The following R3HDM1 variants were observed in gnomAD, a reference collection of about 807,000 sequenced individuals.
R3HDM1 encodes R3H domain containing 1.
In R3HDM1, 46 loss-of-function variants were observed where a neutral mutation model predicts 141.1. The ratio of observed to expected loss-of-function variants is 0.33; its 90% CI spans 0.26 to 0.42. The LOEUF is 0.42. Ranked by LOEUF, R3HDM1 falls within the 10% of genes least tolerant of loss-of-function variation. The pLI, the probability that R3HDM1 is intolerant of heterozygous loss-of-function variation, is 1.00. For synonymous variants in R3HDM1, 435 were observed against 472.9 expected (o/e 0.92, Z 1.04); for missense variants, 1,184 against 1,368.3 (o/e 0.87, Z 2.12).
At chr2:135,621,957 A>AAG (rs2061549386) in intron 6 of R3HDM1, 2 of 983,300 alleles carry the variant, frequency 2.0e-6, no homozygotes, top group Non-Finnish European at 2.4e-6. Flanking sequence ...CTGATGTCAT[A>AAG]ATATTGAGTA....
At chr2:135,627,244 G>C (rs1038450132) in intron 7 of R3HDM1, among the ~76,000 whole-genome samples, 1 of 151,972 alleles carries the variant, frequency 6.6e-6, no homozygotes. Context: ...AAGCATTCAG[G>C]GTTGAATATT....
intron 18 of R3HDM1, among the ~76,000 whole-genome samples, chr2:135,657,368 G>A (rs1439261491): frequency 3.4e-5 from 5 of 147,154 alleles, no homozygotes; most frequent in African/African-American, 1.0e-4. Context: ...CTGAGATTGC[G>A]CCACTTCACT....
At position 135,699,028 on chromosome 2, in the gene R3HDM1, TAGATAGATAGATA is replaced by T. The variant is rs1559465664; in HGVS notation, c.2460-10404_2460-10392del. Among the ~76,000 whole-genome samples the T allele has an allele frequency of 3.3e-4, 39 of 118,542 alleles. No individual in the cohort carries two copies. In the East Asian group the frequency reaches 7.1e-3, roughly 21 times the overall value. The allele number at this position is 118,542 out of a possible 152,430, so 77.8% of individuals were successfully genotyped here. A position where few individuals can be genotyped will look rare whatever the true frequency, so the allele number is the denominator to read the frequency against. On this transcript the variant is annotated intron_variant, in intron 21 of 26. Transcript: ENST00000683871. ...ATAGATAGATAGATAGATAGATAGA[TAGATAGATAGATA>T]GATAAGATAGATAAGATAGATTGAT...
At chr2:135,535,959 T>G (rs1480256005) in intron 1 of R3HDM1, among the ~76,000 whole-genome samples, 1 of 152,214 alleles carries the variant, frequency 6.6e-6, no homozygotes, top group African/African-American at 2.4e-5. Context: ...TTACCCATTC[T>G]TAGTCTCCAT....
intron 26 of R3HDM1, 122 bp downstream of exon 26, chr2:135,722,675 A>C: frequency 1.1e-6 from 1 of 948,922 alleles, no homozygotes; most frequent in Non-Finnish European, 1.6e-6. Context: ...AATTTTTGCC[A>C]TCTCTGATTT....
chr2:135,650,882 T>C (rs1177026082), intron 17 of R3HDM1: 2 of 985,302 alleles, frequency 2.0e-6, no homozygotes, highest in Non-Finnish European at 2.4e-6. Flanking sequence ...TTTTTTTCAG[T>C]GTTGACCTTT....
chr2:135,607,885 T>C, intron 3 of R3HDM1: 1 of 982,940 alleles, frequency 1.0e-6, no homozygotes, highest in Non-Finnish European at 1.2e-6. Context: ...CAAACATGGG[T>C]ATGGTCTTTG....
At chr2:135,602,161 T>TA (rs1269727464) in intron 1 of R3HDM1, among the ~76,000 whole-genome samples, 2 of 152,292 alleles carry the variant, frequency 1.3e-5, no homozygotes, top group East Asian at 3.9e-4. Flanking sequence ...TTCTTGGAGT[T>TA]AAAGTGTTTC....
chr2:135,705,014 A>C (rs1332099528), intron 21 of R3HDM1, among the ~76,000 whole-genome samples: 1 of 152,190 alleles, frequency 6.6e-6, no homozygotes, highest in South Asian at 2.1e-4. Flanking sequence ...TAGTAGGTTA[A>C]AGGATGTGAC....
intron 7 of R3HDM1, among the ~76,000 whole-genome samples, chr2:135,623,881 A>G (rs1272559274): frequency 6.6e-6 from 1 of 152,254 alleles, no homozygotes; most frequent in African/African-American, 2.4e-5. Flanking sequence ...TGTAATAGCC[A>G]GAGAAGGGCC....
At chr2:135,658,335 T>G (rs1256198194) in intron 18 of R3HDM1, among the ~76,000 whole-genome samples, 1 of 152,042 alleles carries the variant, frequency 6.6e-6, no homozygotes, top group Non-Finnish European at 1.5e-5. Context: ...CCCGGCTAAT[T>G]TTTTGTATCT....
intron 1 of R3HDM1, among the ~76,000 whole-genome samples, chr2:135,544,701 C>A (rs1698321089): frequency 6.6e-6 from 1 of 152,208 alleles, no homozygotes; most frequent in Non-Finnish European, 1.5e-5. Flanking sequence ...TCACTCACGC[C>A]TGTAATCCCA....
chr2:135,675,451 G>A lies in R3HDM1; in HGVS notation c.2272G>A (p.Val758Met), dbSNP rs1252379665. 1 of 1,613,978 alleles carries A rather than the reference G, an allele frequency of 6.2e-7. No individual in the cohort carries two copies. The highest frequency in any genetic ancestry group is 8.5e-7 in the Non-Finnish European group (1 of 1,179,892). The change falls in exon 20 of 27, where the codon GTG (valine) becomes ATG (methionine). Residue 758 changes from valine (V) to methionine (M), a missense_variant. Coordinates refer to ENST00000683871, the MANE Select transcript of R3HDM1 (RefSeq NM_001378107.1). ...CAGCATTGGAAATCAGATTCAAGGA[G>A]TGGTCATCCCCTATACTTCAGTGCC... ...PNSIGNQIQGVVIPYTSVPTY... is the reference protein window; with the variant it reads ...PNSIGNQIQGMVIPYTSVPTY...
chr2:135,695,587 A>G (rs970968881), intron 21 of R3HDM1, among the ~76,000 whole-genome samples: 1 of 152,228 alleles, frequency 6.6e-6, no homozygotes, highest in African/African-American at 2.4e-5. Context: ...TTAAAAAGTT[A>G]TAGAGAAAAT....
At position 135,661,296 on chromosome 2, in the gene R3HDM1, C is replaced by T. The variant is rs942154483; in HGVS notation, c.2055C>T (p.Gly685=). 3 of 1,613,952 alleles carry T rather than the reference C, an allele frequency of 1.9e-6. No individual in the cohort carries two copies. In the African/African-American group the frequency reaches 4.0e-5, roughly 22 times the overall value. ...PQMPACYCAP[G]HYHSSQPQYR... ...TGCCAGCCTGTTATTGCGCTCCAGG[C>T]CACTATCACTCCAGCCAACCTCAGT... is the stretch of plus-strand genomic sequence containing the variant. The change falls in exon 19 of 27, where the codon GGC becomes GGT. Residue 685 remains glycine, a synonymous_variant. Transcript: ENST00000683871.
At position 135,604,790 on chromosome 2, in the gene R3HDM1, A is replaced by ATT; in HGVS notation, c.-40-8_-40-7dup. 1 of 1,546,330 alleles carries ATT rather than the reference A, an allele frequency of 6.5e-7. No individual in the cohort carries two copies. Among genetic ancestry groups the ATT allele is most frequent in the Non-Finnish European group, 8.9e-7 (1 of 1,126,438 alleles). On this transcript the variant is annotated splice_polypyrimidine_tract_variant and intron_variant, in intron 2 of 26. Coordinates refer to ENST00000683871, the MANE Select transcript of R3HDM1 (RefSeq NM_001378107.1). The stretch of plus-strand genomic sequence containing the variant: ...TGTAAAAAAGTTTCAAACTGTATTA[A>ATT]TTTTTTTTTCTTAAGGCTTCAAGCT...
intron 25 of R3HDM1, 69 bp downstream of exon 25, chr2:135,722,075 A>C: frequency 6.8e-7 from 1 of 1,467,762 alleles, no homozygotes; most frequent in Non-Finnish European, 9.5e-7. Flanking sequence ...TGTAAGGGGC[A>C]ACCCTGAGCC....
chr2:135,607,073 C>G (rs572867285), intron 3 of R3HDM1: 1 of 152,408 alleles, frequency 6.6e-6, no homozygotes, highest in East Asian at 1.9e-4. Context: ...ACTGCAGCCT[C>G]CACCTCCCGG....
chr2:135,570,601 A>C (rs1169170867), intron 1 of R3HDM1, among the ~76,000 whole-genome samples: 1 of 152,252 alleles, frequency 6.6e-6, no homozygotes, highest in Admixed American at 6.5e-5. Context: ...CTAATGCTAG[A>C]ATCAGTTCCC....
Sources: gnomAD v4.1 joint callset for allele counts (sites outside exome capture counted in the v4.1 genomes callset) on GRCh38, gnomAD v4.1.1 for gene constraint, MANE v1.5 for transcripts, NCBI Gene and HGNC (gene_info 2026-07-23, HGNC 2026-07-21) for gene names.